UNC13C: variants seen among roughly 807,000 people sequenced by gnomAD.
The protein encoded by UNC13C is protein unc-13 homolog C.
UNC13C carries 174 observed loss-of-function variants against 245.4 expected under a neutral mutation model. That is an observed-to-expected ratio of 0.71 (90% CI 0.63 to 0.80). The LOEUF is 0.80. Among genes scored for constraint, UNC13C ranks in the 30% least tolerant of loss-of-function variants. UNC13C has a pLI of 0.00. For synonymous variants in UNC13C, 992 were observed against 895.1 expected (o/e 1.11, Z -1.93); for missense variants, 2,829 against 2,602.9 (o/e 1.09, Z -1.89).
intron 17 of UNC13C, among the ~76,000 whole-genome samples, chr15:54,359,815 CAT>C (rs2039188266): frequency 6.6e-6 from 1 of 151,614 alleles, no homozygotes; most frequent in South Asian, 2.1e-4. Context: ...TTTTGTTTTT[CAT>C]ATTTTTAAAA....
intron 4 of UNC13C, among the ~76,000 whole-genome samples, chr15:54,217,697 G>C (rs1481269310): frequency 6.6e-6 from 1 of 151,838 alleles, no homozygotes; most frequent in Non-Finnish European, 1.5e-5. Flanking sequence ...GATGCTTTAA[G>C]GCAAGTAATT....
At chr15:54,448,240 T>C (rs1890944145) in intron 19 of UNC13C, among the ~76,000 whole-genome samples, 1 of 152,188 alleles carries the variant, frequency 6.6e-6, no homozygotes, top group Non-Finnish European at 1.5e-5. Context: ...CTGAGAAGAA[T>C]GTATATTCTG....
intron 18 of UNC13C, among the ~76,000 whole-genome samples, chr15:54,402,352 A>G (rs758447757): frequency 1.2e-4 from 19 of 152,206 alleles, no homozygotes; most frequent in Non-Finnish European, 5.9e-5. Flanking sequence ...TATGGAAAGA[A>G]TTCAAATACT....
chr15:54,607,632 T>A (rs966932640), intron 30 of UNC13C, among the ~76,000 whole-genome samples: 1 of 152,288 alleles, frequency 6.6e-6, no homozygotes, highest in South Asian at 2.1e-4. Context: ...GTTAATTGAC[T>A]CAGTTATGCA....
chr15:53,947,731 T>C, the UNC13C span: 1 of 152,238 alleles, frequency 6.6e-6, no homozygotes, highest in Admixed American at 6.5e-5. Flanking sequence ...GAATTTCTAC[T>C]GCAGAAAGTT....
intron 1 of UNC13C, among the ~76,000 whole-genome samples, chr15:54,000,254 C>T (rs1465138944): frequency 3.3e-5 from 5 of 152,030 alleles, no homozygotes; most frequent in African/African-American, 1.2e-4. Context: ...GAGTCAATTT[C>T]CACAAGCCAA....
chr15:54,286,193 T>C (rs1403865651), intron 10 of UNC13C, among the ~76,000 whole-genome samples: 1 of 152,248 alleles, frequency 6.6e-6, no homozygotes, highest in Non-Finnish European at 1.5e-5. Flanking sequence ...TTATTTATTT[T>C]ATCAGTATAT....
At chr15:54,345,641 C>A (rs952183859) in intron 17 of UNC13C, among the ~76,000 whole-genome samples, 5 of 152,182 alleles carry the variant, frequency 3.3e-5, no homozygotes, top group Non-Finnish European at 7.3e-5. Flanking sequence ...GTTACCATAG[C>A]ACAATCTGGC....
the UNC13C span, among the ~76,000 whole-genome samples, chr15:53,918,883 A>G: frequency 2.2e-3 from 339 of 152,342 alleles, 2 homozygotes; most frequent in Non-Finnish European, 3.7e-3. Context: ...GTACTTTTGA[A>G]AATGATGAGA....
chr15:54,371,301 A>T (rs2039482145), intron 17 of UNC13C, among the ~76,000 whole-genome samples: 2 of 152,128 alleles, frequency 1.3e-5, no homozygotes, highest in African/African-American at 4.8e-5. Flanking sequence ...TTAATACCTG[A>T]TATTTCATTT....
At chr15:53,882,448 G>T in the UNC13C span, among the ~76,000 whole-genome samples, 1 of 151,976 alleles carries the variant, frequency 6.6e-6, no homozygotes, top group East Asian at 1.9e-4. Context: ...TTCTATTTGA[G>T]TTTGTATATA....
At chr15:54,421,553 G>C (rs1163059713) in intron 19 of UNC13C, among the ~76,000 whole-genome samples, 1 of 151,916 alleles carries the variant, frequency 6.6e-6, no homozygotes, top group African/African-American at 2.4e-5. Flanking sequence ...CAGACATCCT[G>C]GGAATAGGGC....
chr15:53,967,524 T>C, the UNC13C span, among the ~76,000 whole-genome samples: 1 of 152,174 alleles, frequency 6.6e-6, no homozygotes, highest in East Asian at 1.9e-4. Flanking sequence ...AGAAGGATTT[T>C]ATATCTTTGT....
At chr15:54,135,663 G>A (rs970269504) in intron 2 of UNC13C, among the ~76,000 whole-genome samples, 1 of 152,090 alleles carries the variant, frequency 6.6e-6, no homozygotes, top group African/African-American at 2.4e-5. Flanking sequence ...GTCTATGTGT[G>A]TATTTTTATG....
chr15:54,582,521 A>G (rs182964000), intron 30 of UNC13C, among the ~76,000 whole-genome samples: 5 of 152,306 alleles, frequency 3.3e-5, no homozygotes, highest in Admixed American at 2.6e-4. Flanking sequence ...GAGAGGATAA[A>G]CGAAGTCACA....
chr15:53,971,197 T>A, the UNC13C span, among the ~76,000 whole-genome samples: 1 of 152,208 alleles, frequency 6.6e-6, no homozygotes, highest in African/African-American at 2.4e-5. Context: ...ACACAATGGA[T>A]AAATGACAGC....
chr15:54,460,610 C>T (rs1204713262), intron 19 of UNC13C, among the ~76,000 whole-genome samples: 1 of 152,212 alleles, frequency 6.6e-6, no homozygotes, highest in Non-Finnish European at 1.5e-5. Flanking sequence ...AGGATAAGTA[C>T]TTGGGTTTCT....
At chr15:54,471,058 T>A (rs191470005) in intron 19 of UNC13C, among the ~76,000 whole-genome samples, 53 of 151,654 alleles carry the variant, frequency 3.5e-4, no homozygotes, top group African/African-American at 1.2e-3. Flanking sequence ...TATATAATTA[T>A]GGTTGGAAAA....
chr15:54,633,312 T>G (rs554208276), downstream of UNC13C: 25 of 152,218 alleles, frequency 1.6e-4, no homozygotes, highest in Non-Finnish European at 3.2e-4. Flanking sequence ...TCTTCATTGA[T>G]TTATTACTGT....
Sources: gnomAD v4.1 joint callset for allele counts (sites outside exome capture counted in the v4.1 genomes callset) on GRCh38, gnomAD v4.1.1 for gene constraint, MANE v1.5 for transcripts, NCBI Gene and HGNC (gene_info 2026-07-23, HGNC 2026-07-21) for gene names.